SRGAP1: variants seen among roughly 807,000 people sequenced by gnomAD.
SRGAP1 encodes SLIT-ROBO Rho GTPase activating protein 1.
SRGAP1 carries 43 observed loss-of-function variants against 121.9 expected under a neutral mutation model. The ratio of observed to expected loss-of-function variants is 0.35; its 90% CI spans 0.28 to 0.46. SRGAP1 has a LOEUF of 0.46. Among genes scored for constraint, SRGAP1 ranks in the 20% least tolerant of loss-of-function variants. SRGAP1 has a pLI of 1.00. For missense variants in SRGAP1, 1,102 were observed against 1,350.9 expected (o/e 0.82, Z 2.89); for synonymous variants, 447 against 485.4 (o/e 0.92, Z 1.04).
intron 3 of SRGAP1, among the ~76,000 whole-genome samples, chr12:63,991,371 G>GT (rs2033552556): frequency 6.6e-6 from 1 of 152,164 alleles, no homozygotes; most frequent in Admixed American, 6.5e-5. Flanking sequence ...CATGTTTGAT[G>GT]TATCCACATT....
At chr12:63,958,578 A>C (rs2032543589) in intron 1 of SRGAP1, among the ~76,000 whole-genome samples, 1 of 152,216 alleles carries the variant, frequency 6.6e-6, no homozygotes, top group Non-Finnish European at 1.5e-5. Flanking sequence ...CATTTTAAAA[A>C]TACTGAGTGT....
chr12:63,953,247 G>C (rs1205693066), intron 1 of SRGAP1, among the ~76,000 whole-genome samples: 1 of 152,136 alleles, frequency 6.6e-6, no homozygotes, highest in African/African-American at 2.4e-5. Flanking sequence ...GAGACAGAAG[G>C]TAAACCATAT....
Position 63,888,314 on chromosome 12 carries a change from T to G in SRGAP1, c.67+43431T>G, listed in dbSNP as rs536218654. On this transcript the variant is annotated intron_variant, in intron 1 of 21. Coordinates refer to ENST00000355086, the MANE Select transcript of SRGAP1 (RefSeq NM_020762.4). Reference sequence around the variant, plus strand: ...ATGAAAACCCTGAGTTTTTTTTCCTTTTGCCCTTAATAGTATTAAGCTTAT... The same window carrying G: ...ATGAAAACCCTGAGTTTTTTTTCCTGTTGCCCTTAATAGTATTAAGCTTAT... The G allele has an allele frequency of 5.3e-5, 8 of 152,312 alleles. No homozygotes were observed. The East Asian group carries it at 1.3e-3, about 26-fold the overall frequency. The allele number at this position is 152,312 out of a possible 1,614,324, so 9.4% of individuals were successfully genotyped here.
intron 8 of SRGAP1, among the ~76,000 whole-genome samples, 156 bp from the exon 9 acceptor site, chr12:64,078,762 TA>T (rs1176277849): frequency 6.6e-6 from 1 of 152,180 alleles, no homozygotes; most frequent in Non-Finnish European, 1.5e-5. Flanking sequence ...AAACTGGTGA[TA>T]TGGAGTGTTT....
intron 1 of SRGAP1, among the ~76,000 whole-genome samples, chr12:63,916,572 A>G (rs1243965047): frequency 1.3e-5 from 2 of 152,210 alleles, no homozygotes; most frequent in South Asian, 2.1e-4. Flanking sequence ...GGACAAAATA[A>G]CTAAAACTGA....
rs1362283210 is a variant in SRGAP1, at chr12:64,159,606, T to G, written c.*16934T>G. The stretch of plus-strand genomic sequence containing the variant: ...GTGAGCTGAGATCATACCTCTGCAC[T>G]TCAGCCTGGGTGACAGAGTGAGATC... On this transcript the variant is annotated 3_prime_UTR_variant, in exon 22 of 22. Coordinates refer to ENST00000355086, the MANE Select transcript of SRGAP1 (RefSeq NM_020762.4). 3 of 152,294 alleles carry G rather than the reference T, an allele frequency of 2.0e-5. No homozygotes were observed. Among genetic ancestry groups the G allele is most frequent in the Admixed American group, 6.5e-5 (1 of 15,278 alleles). The allele number at this position is 152,294 out of a possible 1,614,324, so 9.4% of individuals were successfully genotyped here. A position where few individuals can be genotyped will look rare whatever the true frequency, so the allele number is the denominator to read the frequency against.
intron 1 of SRGAP1, among the ~76,000 whole-genome samples, chr12:63,921,745 C>T (rs1200760211): frequency 2.6e-5 from 4 of 152,064 alleles, no homozygotes; most frequent in Admixed American, 6.5e-5. Flanking sequence ...ATGCCTGGTA[C>T]GTAGAGAACA....
intron 4 of SRGAP1, among the ~76,000 whole-genome samples, chr12:64,039,655 G>GTGTGTGTGTT (rs1278589592): frequency 4.0e-5 from 6 of 149,544 alleles, no homozygotes; most frequent in African/African-American, 1.5e-4. Context: ...GTGTGTGTGT[G>GTGTGTGTGTT]TGTGTACACC....
chr12:63,954,683 A>AAAAAAAG (rs2032405737), intron 1 of SRGAP1, among the ~76,000 whole-genome samples: 1 of 147,796 alleles, frequency 6.8e-6, no homozygotes, highest in African/African-American at 2.6e-5. Flanking sequence ...ATCTCAAAAA[A>AAAAAAAG]AAAAAAAAAG....
intron 1 of SRGAP1, chr12:63,871,938 T>G: frequency 8.1e-7 from 1 of 1,230,584 alleles, no homozygotes; most frequent in East Asian, 2.3e-5. Context: ...CTTCTGATCA[T>G]AGCACCTCTT....
chr12:63,883,309 C>G (rs780284824), intron 1 of SRGAP1, among the ~76,000 whole-genome samples: 49 of 152,302 alleles, frequency 3.2e-4, no homozygotes, highest in Non-Finnish European at 5.7e-4. Context: ...CAAAGTGTCT[C>G]TTGAAACTGG....
chr12:64,035,409 A>G (rs1256775008), intron 4 of SRGAP1, among the ~76,000 whole-genome samples: 1 of 152,014 alleles, frequency 6.6e-6, no homozygotes, highest in African/African-American at 2.4e-5. Context: ...TGTCACCCCT[A>G]CTGGGGAGAG....
intron 4 of SRGAP1, among the ~76,000 whole-genome samples, chr12:64,039,130 C>T (rs537844990): frequency 2.6e-5 from 4 of 152,240 alleles, no homozygotes; most frequent in East Asian, 3.9e-4. Flanking sequence ...AAGCTTTTAG[C>T]GTTTATCTCC....
chr12:64,078,824 C>T (rs1478715225), intron 8 of SRGAP1, 95 bp from the exon 9 acceptor site: 1 of 1,324,340 alleles, frequency 7.6e-7, no homozygotes, highest in Non-Finnish European at 1.0e-6. Context: ...GGGGCAGGCC[C>T]TGTGTCCTCA....
In SRGAP1 at chr12:64,150,154, G is replaced by A. The variant is rs1392242318; in HGVS notation, c.*7482G>A. The A allele has an allele frequency of 6.6e-6, 1 of 152,070 alleles. No individual in the cohort carries two copies. Among genetic ancestry groups the A allele is most frequent in the African/African-American group, 2.4e-5 (1 of 41,396 alleles). 9.4% of individuals were successfully genotyped at this position (152,070 alleles called of 1,614,324 possible). Reference sequence around the variant, plus strand: ...TGCTTGTGTGCATGTGCACGTGTGTGGGTGGGAGGGTGCGGAGGGGTTGGG... The same window carrying A: ...TGCTTGTGTGCATGTGCACGTGTGTAGGTGGGAGGGTGCGGAGGGGTTGGG... On this transcript the variant is annotated 3_prime_UTR_variant, in exon 22 of 22. Coordinates refer to ENST00000355086, the MANE Select transcript of SRGAP1 (RefSeq NM_020762.4).
chr12:63,959,552 T>A (rs1285122578), intron 1 of SRGAP1, among the ~76,000 whole-genome samples: 1 of 152,174 alleles, frequency 6.6e-6, no homozygotes, highest in Non-Finnish European at 1.5e-5. Flanking sequence ...ATAACGTTTC[T>A]TTCCAGATTT....
chr12:63,908,050 C>T (rs2078922828), intron 1 of SRGAP1, among the ~76,000 whole-genome samples: 1 of 152,214 alleles, frequency 6.6e-6, no homozygotes, highest in Non-Finnish European at 1.5e-5. Flanking sequence ...AATTCTGTTC[C>T]ATTGATGTAT....
At chr12:63,927,652 C>T (rs1313433570) in intron 1 of SRGAP1, among the ~76,000 whole-genome samples, 1 of 152,114 alleles carries the variant, frequency 6.6e-6, no homozygotes, top group African/African-American at 2.4e-5. Context: ...CAGTTTAAAA[C>T]CTTACTGTCT....
At chr12:64,062,804 G>A (rs1015459210) in intron 6 of SRGAP1, 113 bp from the exon 7 acceptor site, 1 of 712,904 alleles carries the variant, frequency 1.4e-6, no homozygotes, top group Non-Finnish European at 2.3e-6. Context: ...CCAATGTCAT[G>A]AAAGCTTACC....
Sources: gnomAD v4.1 joint callset for allele counts (sites outside exome capture counted in the v4.1 genomes callset) on GRCh38, gnomAD v4.1.1 for gene constraint, MANE v1.5 for transcripts, NCBI Gene and HGNC (gene_info 2026-07-23, HGNC 2026-07-21) for gene names.